TRIM23: variants seen among roughly 807,000 people sequenced by gnomAD.
TRIM23 encodes the protein E3 ubiquitin-protein ligase TRIM23.
A neutral mutation model predicts 71.0 loss-of-function variants in TRIM23; 27 were observed. The observed-to-expected ratio is 0.38, with a 90% CI of 0.28 to 0.52. The LOEUF (loss-of-function observed/expected upper bound fraction) is 0.52, where lower values mean the gene tolerates loss of function less well. TRIM23 is among the 20% of genes least tolerant of loss of function. The probability of loss-of-function intolerance (pLI) is 0.84; values close to 1 mark genes in which losing one functional copy is unlikely to be tolerated. For synonymous variants in TRIM23, 234 were observed against 238.0 expected (o/e 0.98, Z 0.16); for missense variants, 482 against 692.3 (o/e 0.70, Z 3.41).
intron 1 of TRIM23, 78 bp downstream of exon 1, chr5:65,624,116 C>G: frequency 6.3e-7 from 1 of 1,576,248 alleles, no homozygotes; most frequent in South Asian, 1.1e-5. Flanking sequence ...AAGCCTGGGC[C>G]GCGGCGATGC....
chr5:65,607,306 A>G (rs1323077119), intron 6 of TRIM23: 1 of 152,174 alleles, frequency 6.6e-6, no homozygotes, highest in Admixed American at 6.5e-5. Context: ...ACCAGTTGAT[A>G]TGGTTTGGCT....
intron 1 of TRIM23, among the ~76,000 whole-genome samples, chr5:65,622,349 T>C (rs1581194813): frequency 6.6e-6 from 1 of 152,100 alleles, no homozygotes; most frequent in African/African-American, 2.4e-5. Context: ...GTATTATTAG[T>C]AGAGACGGGG....
chr5:65,620,361 T>C (rs1459597216), intron 1 of TRIM23, among the ~76,000 whole-genome samples: 2 of 152,166 alleles, frequency 1.3e-5, no homozygotes, highest in Admixed American at 6.5e-5. Context: ...ATGTTACTCC[T>C]TAAAGCATCA....
intron 10 of TRIM23, among the ~76,000 whole-genome samples, chr5:65,593,211 G>A (rs937690065): frequency 6.6e-6 from 1 of 152,176 alleles, no homozygotes; most frequent in Non-Finnish European, 1.5e-5. Context: ...GAGGCGGGCA[G>A]ATCACTTGAG....
chr5:65,602,578 C>G (rs1754389912), intron 7 of TRIM23, among the ~76,000 whole-genome samples: 1 of 152,128 alleles, frequency 6.6e-6, no homozygotes, highest in South Asian at 2.1e-4. Flanking sequence ...TCAGCATCGC[C>G]TCACTCTACT....
In TRIM23 at chr5:65,591,828, C is replaced by A. The variant is rs772628520; in HGVS notation, c.1666G>T (p.Glu556Ter). 8.1e-6 allele frequency: 13 copies of A among 1,613,472 alleles called. No individual in the cohort carries two copies. The highest frequency in any genetic ancestry group is 8.5e-7 in the Non-Finnish European group (1 of 1,179,666). Residue 556 changes from glutamate (E) to a stop codon, truncating the protein, a stop_gained, in exon 11 of 11, where the codon GAA becomes TAA. Coordinates refer to ENST00000231524, the MANE Select transcript of TRIM23 (RefSeq NM_001656.4). LOFTEE classifies it high-confidence loss of function. ...CDARSGMGLY[E>*]GLDWLSRQLV... Reference sequence around the variant, plus strand: ...TGCCGTGAGAGCCAGTCCAACCCTTCATACAGTCCCATACCACTTCGAGCA... The same window carrying A: ...TGCCGTGAGAGCCAGTCCAACCCTTAATACAGTCCCATACCACTTCGAGCA...
intron 2 of TRIM23, among the ~76,000 whole-genome samples, chr5:65,615,967 G>A (rs1371661899): frequency 1.3e-5 from 2 of 152,090 alleles, no homozygotes; most frequent in East Asian, 3.9e-4. Context: ...CCAACCATCT[G>A]GACCACCTCA....
chr5:65,605,782 G>A (rs1448228139), intron 6 of TRIM23, among the ~76,000 whole-genome samples: 2 of 152,120 alleles, frequency 1.3e-5, no homozygotes, highest in Non-Finnish European at 2.9e-5. Context: ...CCATGAGAAC[G>A]GTAGTATTAT....
chr5:65,618,034 T>G, intron 2 of TRIM23, 59 bp downstream of exon 2: 1 of 1,453,634 alleles, frequency 6.9e-7, no homozygotes, highest in African/African-American at 1.4e-5. Context: ...TTGTTTCCTA[T>G]GACATTTGCA....
chr5:65,610,752 G>T, intron 5 of TRIM23, 109 bp downstream of exon 5: 1 of 856,062 alleles, frequency 1.2e-6, no homozygotes, highest in Non-Finnish European at 1.7e-6. Context: ...ACTTTCTAAT[G>T]ATTGGTGCAA....
chr5:65,596,458 T>G lies in TRIM23; in HGVS notation c.1383A>C (p.Leu461Phe), dbSNP rs372063335. The change falls in exon 9 of 11, where the codon TTA becomes TTC. Residue 461 changes from leucine (L) to phenylalanine (F), a missense_variant. By Grantham distance (22) the Leu-to-Phe change is conservative. This residue lies in a region of TRIM23 where 307 missense variants were observed against 495.8 expected (regional missense o/e 0.62). Transcript: ENST00000231524. ...TIWDVGGKHK[L>F]RPLWKHYYLN... ...GGTAATAATGTTTCCACAATGGTCT[T>G]AATTTGTGTTTTCCACCTACATCCC... The G allele has an allele frequency of 1.2e-6, 2 of 1,610,534 alleles. No individual in the cohort carries two copies. Among genetic ancestry groups the G allele is most frequent in the Non-Finnish European group, 1.7e-6 (2 of 1,176,946 alleles).
intron 7 of TRIM23, among the ~76,000 whole-genome samples, chr5:65,598,527 A>C (rs1754270770): frequency 6.6e-6 from 1 of 152,200 alleles, no homozygotes; most frequent in Admixed American, 6.5e-5. Flanking sequence ...TTGGGGGTGG[A>C]TCACCTGAGG....
intron 3 of TRIM23, among the ~76,000 whole-genome samples, chr5:65,613,359 A>G (rs751691610): frequency 8.5e-5 from 13 of 152,198 alleles, no homozygotes; most frequent in Non-Finnish European, 1.5e-4. Context: ...TCATCTAATG[A>G]AAGAGAAGTG....
At chr5:65,609,497 T>G (rs1036287256) in intron 5 of TRIM23, 39 bp from the exon 6 acceptor site, 1 of 1,567,692 alleles carries the variant, frequency 6.4e-7, no homozygotes, top group Non-Finnish European at 8.7e-7. Flanking sequence ...ACTGTAATGT[T>G]AATAAAGATT....
chr5:65,609,981 A>C (rs537834352), intron 5 of TRIM23, among the ~76,000 whole-genome samples: 3 of 152,326 alleles, frequency 2.0e-5, no homozygotes, highest in African/African-American at 7.2e-5. Context: ...CTAGTCCCTC[A>C]GCAAATTCTG....
intron 5 of TRIM23, among the ~76,000 whole-genome samples, chr5:65,610,375 A>G (rs1391268702): frequency 1.3e-5 from 2 of 152,196 alleles, no homozygotes; most frequent in East Asian, 3.8e-4. Context: ...ATCCTGCATG[A>G]TTTGGCTTTG....
intron 7 of TRIM23, among the ~76,000 whole-genome samples, chr5:65,604,485 T>C (rs1223454237): frequency 6.6e-6 from 1 of 152,050 alleles, no homozygotes; most frequent in Non-Finnish European, 1.5e-5. Flanking sequence ...TGAAATAATA[T>C]GATATTAGGA....
At chr5:65,596,912 A>C in intron 8 of TRIM23, 139 bp downstream of exon 8, 2 of 1,063,986 alleles carry the variant, frequency 1.9e-6, no homozygotes, top group Non-Finnish European at 2.7e-6. Flanking sequence ...ACAATCTTGC[A>C]TTTTTTCTCT....
intron 6 of TRIM23, chr5:65,607,018 T>A (rs1303392356): frequency 6.6e-6 from 1 of 152,260 alleles, no homozygotes; most frequent in Non-Finnish European, 1.5e-5. Flanking sequence ...GCTAAATGAA[T>A]AAATATTCAG....
Sources: gnomAD v4.1 joint callset for allele counts (sites outside exome capture counted in the v4.1 genomes callset) on GRCh38, gnomAD v4.1.1 for gene constraint, gnomAD v4.1.1 regional missense constraint, MANE v1.5 for transcripts, NCBI Gene and HGNC (gene_info 2026-07-23, HGNC 2026-07-21) for gene names.